Variants in DHRS9 observed in about 807,000 individuals in gnomAD.
The protein encoded by DHRS9 is dehydrogenase/reductase SDR family member 9.
A neutral mutation model predicts 26.6 loss-of-function variants in DHRS9; 18 were observed. That is an observed-to-expected ratio of 0.68 (90% CI 0.47 to 1.00). The LOEUF (loss-of-function observed/expected upper bound fraction) is 1.00, where lower values mean the gene tolerates loss of function less well. Ranked by LOEUF, DHRS9 falls within the 50% of genes least tolerant of loss-of-function variation. The pLI, the probability that DHRS9 is intolerant of heterozygous loss-of-function variation, is 0.00. For synonymous variants in DHRS9, 134 were observed against 141.1 expected (o/e 0.95, Z 0.36); for missense variants, 425 against 378.7 (o/e 1.12, Z -1.01).
At chr2:169,072,494 T>C (rs1388921369) in intron 1 of DHRS9, 2 of 492,930 alleles carry the variant, frequency 4.1e-6, no homozygotes, top group Non-Finnish European at 5.3e-6. Context: ...TTTTTTAAAC[T>C]GTGTCATTTA....
chr2:169,083,010 C>T (rs1489228268), intron 2 of DHRS9, among the ~76,000 whole-genome samples: 2 of 152,064 alleles, frequency 1.3e-5, no homozygotes, highest in African/African-American at 2.4e-5. Flanking sequence ...TGCACATGTA[C>T]CCTAAAACTT....
At chr2:169,074,310 T>C in intron 1 of DHRS9, 2 of 985,452 alleles carry the variant, frequency 2.0e-6, no homozygotes, top group Non-Finnish European at 1.2e-6. Flanking sequence ...CTGATGATAG[T>C]GAAACTGGGA....
At chr2:169,078,324 T>G (rs1684026643) in intron 1 of DHRS9, among the ~76,000 whole-genome samples, 1 of 152,196 alleles carries the variant, frequency 6.6e-6, no homozygotes, top group African/African-American at 2.4e-5. Flanking sequence ...ACACAAAAAC[T>G]TCCAACTCTC....
chr2:169,075,015 G>C (rs1261609338), intron 1 of DHRS9, among the ~76,000 whole-genome samples: 3 of 152,158 alleles, frequency 2.0e-5, no homozygotes, highest in Non-Finnish European at 4.4e-5. Flanking sequence ...GGAGTAAAGA[G>C]GGAATCCAAC....
upstream of DHRS9, chr2:169,069,350 G>A: frequency 1.1e-6 from 1 of 901,750 alleles, no homozygotes; most frequent in African/African-American, 1.8e-5. Flanking sequence ...TTGGTCAAGA[G>A]ATTGTACTAA....
chr2:169,067,960 C>T (rs879448969), upstream of DHRS9, among the ~76,000 whole-genome samples: 1 of 152,166 alleles, frequency 6.6e-6, no homozygotes, highest in Non-Finnish European at 1.5e-5. Context: ...ATATGCAAAT[C>T]AGTCTAAACA....
chr2:169,082,032 C>T, intron 2 of DHRS9, 138 bp downstream of exon 2: 1 of 893,278 alleles, frequency 1.1e-6, no homozygotes, highest in Non-Finnish European at 1.7e-6. Context: ...CTTCTCTAAT[C>T]TTAGGATAGC....
chr2:169,081,861 G>T lies in DHRS9; in HGVS notation c.280G>T (p.Ala94Ser), dbSNP rs762300268. 7 of 1,610,894 alleles carry T rather than the reference G, an allele frequency of 4.3e-6. No individual in the cohort carries two copies. In the East Asian group the frequency reaches 1.3e-4, roughly 31 times the overall value. The change falls in exon 2 of 5, where the codon GCC becomes TCC. Residue 94 changes from alanine to serine, a missense_variant. Ala to Ser is a moderately conservative substitution (Grantham distance 99, BLOSUM62 1). Coordinates refer to ENST00000674881, the MANE Select transcript of DHRS9 (RefSeq NM_001376924.1). Reference protein sequence around the residue: ...VTDPENVKRTAQWVKNQVGEK... With the variant: ...VTDPENVKRTSQWVKNQVGEK... ...CGACCCAGAGAATGTCAAGAGGACT[G>T]CCCAGTGGGTGAAGAACCAAGTTGG...
At chr2:169,088,052 A>T (rs1684407282) in intron 3 of DHRS9, among the ~76,000 whole-genome samples, 1 of 152,196 alleles carries the variant, frequency 6.6e-6, no homozygotes, top group Admixed American at 6.5e-5. Context: ...GCACAGCACC[A>T]GGACTTGCCC....
chr2:169,068,675 G>A (rs143810465), upstream of DHRS9, among the ~76,000 whole-genome samples: 1 of 152,140 alleles, frequency 6.6e-6, no homozygotes, highest in Admixed American at 6.5e-5. Context: ...AGACAGATAT[G>A]TTCATTCATG....
At chr2:169,078,146 G>A (rs1177832264) in intron 1 of DHRS9, among the ~76,000 whole-genome samples, 1 of 152,190 alleles carries the variant, frequency 6.6e-6, no homozygotes. Flanking sequence ...AAATCACTTT[G>A]TTGCTTTGAG....
intron 4 of DHRS9, among the ~76,000 whole-genome samples, chr2:169,094,651 T>C (rs773876550): frequency 6.6e-6 from 1 of 151,854 alleles, no homozygotes; most frequent in South Asian, 2.1e-4. Context: ...CAAAGTGCTG[T>C]AATTACAGGT....
chr2:169,079,223 C>G (rs552268379), intron 1 of DHRS9, among the ~76,000 whole-genome samples: 1 of 151,600 alleles, frequency 6.6e-6, no homozygotes, highest in Non-Finnish European at 1.5e-5. Context: ...AAGCAGAGCC[C>G]GAAATTTTCT....
At chr2:169,093,471 C>G (rs1684599101) in intron 4 of DHRS9, among the ~76,000 whole-genome samples, 1 of 152,154 alleles carries the variant, frequency 6.6e-6, no homozygotes, top group Non-Finnish European at 1.5e-5. Flanking sequence ...CCATCAAATA[C>G]TCTACTTTTC....
intron 3 of DHRS9, among the ~76,000 whole-genome samples, chr2:169,087,632 C>T (rs1227226253): frequency 1.3e-5 from 2 of 151,574 alleles, no homozygotes; most frequent in Non-Finnish European, 2.9e-5. Context: ...GAGTCTCACC[C>T]AAGGCCCATG....
intron 1 of DHRS9, among the ~76,000 whole-genome samples, chr2:169,077,025 A>AG (rs1683983014): frequency 6.6e-6 from 1 of 152,158 alleles, no homozygotes; most frequent in African/African-American, 2.4e-5. Flanking sequence ...TTATTGTTTC[A>AG]GGGGTGGCAG....
chr2:169,079,550 A>C (rs72888669), intron 1 of DHRS9, among the ~76,000 whole-genome samples: 6,289 of 152,104 alleles, frequency 0.041, 201 homozygotes, highest in Non-Finnish European at 0.06. Context: ...ATTAGGAAAT[A>C]ATTGTAAGAA....
chr2:169,069,783 T>C, intron 1 of DHRS9, 66 bp downstream of exon 1: 1 of 979,918 alleles, frequency 1.0e-6, no homozygotes, highest in Non-Finnish European at 1.2e-6. Context: ...TTCTTTGATT[T>C]TCCTCACTCT....
chr2:169,078,417 A>T (rs536270434), intron 1 of DHRS9, among the ~76,000 whole-genome samples: 1 of 152,376 alleles, frequency 6.6e-6, no homozygotes, highest in African/African-American at 2.4e-5. Flanking sequence ...TGAAAGCTGC[A>T]GAATCCATTC....
Sources: allele counts gnomAD v4.1 joint callset (sites outside exome capture counted in the v4.1 genomes callset), GRCh38; gene constraint gnomAD v4.1.1; transcripts MANE v1.5; gene names NCBI Gene and HGNC (gene_info 2026-07-23, HGNC 2026-07-21).